The following ASTL variants were observed in gnomAD, a reference collection of about 807,000 sequenced individuals.
ASTL encodes astacin like metalloendopeptidase.
ASTL carries 27 observed loss-of-function variants against 36.7 expected under a neutral mutation model. The ratio of observed to expected loss-of-function variants is 0.73; its 90% CI spans 0.54 to 1.01. The LOEUF (loss-of-function observed/expected upper bound fraction) is 1.01, where lower values mean the gene tolerates loss of function less well. Ranked by LOEUF, ASTL falls within the 50% of genes least tolerant of loss-of-function variation. The pLI is 0.00. For synonymous variants in ASTL, 222 were observed against 228.1 expected (o/e 0.97, Z 0.24); for missense variants, 524 against 572.8 (o/e 0.91, Z 0.87).
rs539694270 is a variant in ASTL, at chr2:96,131,927, G to A, written c.637+613C>T. 1.2e-4 allele frequency among the ~76,000 whole-genome samples: 18 copies of A among 152,290 alleles called. No individual in the cohort carries two copies. In the East Asian group the frequency reaches 3.3e-3, roughly 28 times the overall value. ...AATGAGAGAGACCCCACCATCACCA[G>A]GATCTGATCCCCGGCGCCACACAGC... On this transcript the variant is annotated intron_variant, in intron 6 of 8. Coordinates refer to ENST00000342380, the MANE Select transcript of ASTL (RefSeq NM_001002036.4).
chr2:96,134,246 G>A (rs900212077), intron 3 of ASTL, among the ~76,000 whole-genome samples, 188 bp from the exon 4 acceptor site: 9 of 152,230 alleles, frequency 5.9e-5, no homozygotes, highest in African/African-American at 2.2e-4. Context: ...CATGAACCTT[G>A]ATGCACAAGA....
At chr2:96,134,702 G>T (rs1406530371) in intron 3 of ASTL, among the ~76,000 whole-genome samples, 1 of 152,188 alleles carries the variant, frequency 6.6e-6, no homozygotes, top group East Asian at 1.9e-4. Flanking sequence ...CCAGCCTCTG[G>T]CTCTCCTGCC....
intron 2 of ASTL, among the ~76,000 whole-genome samples, chr2:96,136,587 C>A (rs1682306280): frequency 6.6e-6 from 1 of 152,210 alleles, no homozygotes; most frequent in African/African-American, 2.4e-5. Flanking sequence ...GGGCTCAAGG[C>A]TCAGCTGGCG....
chr2:96,132,446 T>A lies in ASTL; in HGVS notation c.637+94A>T. On this transcript the variant is annotated intron_variant, in intron 6 of 8. Transcript: ENST00000342380. The surrounding 1 kb of genome is among the most constrained non-coding windows in gnomAD (Gnocchi z 5.4). The stretch of plus-strand genomic sequence containing the variant: ...GGAAGCAGGCAGGTGATGGGGAGGA[T>A]GGATAGCCTCACCCATGGGGACCAG... The A allele has an allele frequency of 3.4e-6, 4 of 1,164,580 alleles. No individual in the cohort carries two copies. The highest frequency in any genetic ancestry group is 4.8e-6 in the Non-Finnish European group (4 of 833,368). The allele number at this position is 1,164,580 out of a possible 1,614,324, so 72.1% of individuals were successfully genotyped here. A position where few individuals can be genotyped will look rare whatever the true frequency, so the allele number is the denominator to read the frequency against.
chr2:96,129,990 C>T lies in ASTL; in HGVS notation c.720-12G>A, dbSNP rs752662287. The T allele has an allele frequency of 3.1e-5, 49 of 1,605,840 alleles. No individual in the cohort carries two copies. The highest frequency in any genetic ancestry group is 6.7e-5 in the Admixed American group (4 of 59,854). ...GGCTGAAGGCGAGCCTGGAACCCAGCGGGAGACCCCTGAGTCCAGATCACC... is the reference window on the plus strand; with the variant it reads ...GGCTGAAGGCGAGCCTGGAACCCAGTGGGAGACCCCTGAGTCCAGATCACC... On this transcript the variant is annotated splice_polypyrimidine_tract_variant and intron_variant, in intron 7 of 8. Transcript: ENST00000342380.
intron 2 of ASTL, 52 bp downstream of exon 2, chr2:96,137,523 C>T: frequency 6.3e-7 from 1 of 1,581,980 alleles, no homozygotes; most frequent in Non-Finnish European, 8.7e-7. Flanking sequence ...GTGGTTTTCA[C>T]ACTACATAAC....
At chr2:96,127,885 T>TTA (rs1462900673) in intron 8 of ASTL, among the ~76,000 whole-genome samples, 7 of 152,172 alleles carry the variant, frequency 4.6e-5, no homozygotes, top group African/African-American at 1.7e-4. Context: ...TGGTTTGTTC[T>TTA]TATATTAATG....
At chr2:96,133,823 C>A in intron 4 of ASTL, 142 bp downstream of exon 4, 1 of 694,414 alleles carries the variant, frequency 1.4e-6, no homozygotes, top group Non-Finnish European at 2.6e-6. Flanking sequence ...CCTTCAGCAA[C>A]AGAAGGGCAT....
chr2:96,128,870 T>C (rs1682112889), intron 8 of ASTL, among the ~76,000 whole-genome samples: 1 of 152,124 alleles, frequency 6.6e-6, no homozygotes, highest in African/African-American at 2.4e-5. Flanking sequence ...TGAAACCCTG[T>C]CCCCACTAAA....
rs777778358 is a variant in ASTL at position 96,137,630 on chromosome 2, G to A, written c.126C>T (p.Leu42=). ...GACGTSFPDG[L]TPEGTQASGD... ...CGGAGGCCTGGGTTCCCTCAGGGGT[G>A]AGGCCATCTGGGAAGCTGGTACCAC... The change falls in exon 2 of 9, where the codon CTC becomes CTT. Residue 42 remains leucine (L), a synonymous_variant. Transcript: ENST00000342380. 60 of 1,613,982 alleles carry A rather than the reference G, an allele frequency of 3.7e-5. 4 individuals are homozygous for A. In the South Asian group the frequency reaches 5.8e-4, roughly 16 times the overall value.
chr2:96,138,511 C>A, upstream of ASTL: 1 of 1,259,878 alleles, frequency 7.9e-7, no homozygotes, highest in Non-Finnish European at 1.1e-6. Context: ...GCAGAACCGG[C>A]ACCACCACCC....
rs1425438051 is a variant in ASTL at position 96,129,989 on chromosome 2, G to T, written c.720-11C>A. 5.0e-6 allele frequency: 8 copies of T among 1,606,402 alleles called. 1 individual carries two copies. Among genetic ancestry groups the T allele is most frequent in the Non-Finnish European group, 6.0e-6 (7 of 1,173,712 alleles). On this transcript the variant is annotated splice_polypyrimidine_tract_variant and intron_variant, in intron 7 of 8. Coordinates refer to ENST00000342380, the MANE Select transcript of ASTL (RefSeq NM_001002036.4). Reference sequence around the variant, plus strand: ...CGGCTGAAGGCGAGCCTGGAACCCAGCGGGAGACCCCTGAGTCCAGATCAC... The same window carrying T: ...CGGCTGAAGGCGAGCCTGGAACCCATCGGGAGACCCCTGAGTCCAGATCAC...
chr2:96,130,873 G>A (rs1452809339), intron 6 of ASTL, among the ~76,000 whole-genome samples: 2 of 152,172 alleles, frequency 1.3e-5, no homozygotes, highest in East Asian at 1.9e-4. Context: ...TGAATAAGTA[G>A]TATATTCATT....
At chr2:96,126,624 G>A (rs1219478032) in intron 8 of ASTL, among the ~76,000 whole-genome samples, 4 of 152,158 alleles carry the variant, frequency 2.6e-5, no homozygotes, top group Non-Finnish European at 4.4e-5. Context: ...TTGGGAGGCC[G>A]AGACGGGTAG....
At chr2:96,133,726 G>C (rs1022298862) in intron 4 of ASTL, 184 bp from the exon 5 acceptor site, 1 of 633,580 alleles carries the variant, frequency 1.6e-6, no homozygotes, top group East Asian at 2.7e-5. Context: ...GTAGGTCACT[G>C]TCCTCTGCAC....
At chr2:96,138,277 T>TGAGCTCAGTAGCTCAGAGCACA in intron 1 of ASTL, 105 bp downstream of exon 1, 2 of 1,081,062 alleles carry the variant, frequency 1.9e-6, no homozygotes, top group Non-Finnish European at 2.8e-6. Context: ...TCTGAGCTAC[T>TGAGCTCAGTAGCTCAGAGCACA]GAGCTCAGCT....
chr2:96,129,875 C>A lies in ASTL; in HGVS notation c.823G>T (p.Val275Phe). Residue 275 changes from valine to phenylalanine, a missense_variant, in exon 8 of 9, where the codon GTC (valine) becomes TTC (phenylalanine). Coordinates refer to ENST00000342380, the MANE Select transcript of ASTL (RefSeq NM_001002036.4). ...WNLSASDITR[V>F]LKLYGCSPSG... The stretch of plus-strand genomic sequence containing the variant: ...GGGCTGCAGCCGTAGAGTTTGAGGA[C>A]CCGGGTGATGTCCGAGGCACTCAGG... The A allele has an allele frequency of 6.2e-7, 1 of 1,600,312 alleles. No individual in the cohort carries two copies. Among genetic ancestry groups the A allele is most frequent in the Non-Finnish European group, 8.5e-7 (1 of 1,170,606 alleles).
In ASTL at chr2:96,129,424, T is replaced by C. The variant is rs143894557; in HGVS notation, c.874+400A>G. ...ACAGGTAATCATCTATTATGAACGA[T>C]TTTTTTGCTTCCTTTCCAATCCTCG... On this transcript the variant is annotated intron_variant, in intron 8 of 8. Transcript: ENST00000342380. Among the ~76,000 whole-genome samples the C allele has an allele frequency of 7.1e-3, 1,080 of 152,320 alleles. 56 individuals carry two copies. Among genetic ancestry groups the C allele is most frequent in the Admixed American group, 0.061 (939 of 15,302 alleles).
rs1487710303 is a variant in ASTL, at chr2:96,132,937, C to T, written c.456-216G>A. Among the ~76,000 whole-genome samples the T allele has an allele frequency of 6.6e-6, 1 of 152,234 alleles. No individual in the cohort carries two copies. Among genetic ancestry groups the T allele is most frequent in the Non-Finnish European group, 1.5e-5 (1 of 68,040 alleles). On this transcript the variant is annotated intron_variant, in intron 5 of 8. Transcript: ENST00000342380. This position sits in a 1 kb window ranked among gnomAD's most constrained non-coding sequence, Gnocchi z 5.4. ...ACCGGACCCCCATCACCAGCCTGGG[C>T]TGCAGGGAGGCTGCAGAAACTGATA... is the stretch of plus-strand genomic sequence containing the variant.
Sources: allele counts gnomAD v4.1 joint callset (sites outside exome capture counted in the v4.1 genomes callset), GRCh38; gene constraint gnomAD v4.1.1; non-coding constraint Gnocchi (gnomAD v3.1); transcripts MANE v1.5; gene names NCBI Gene and HGNC (gene_info 2026-07-23, HGNC 2026-07-21).